Variants in TRPV5 observed in about 807,000 individuals in gnomAD.
TRPV5 encodes calcium transport protein 2.
A neutral mutation model predicts 74.1 loss-of-function variants in TRPV5; 66 were observed. The ratio of observed to expected loss-of-function variants is 0.89; its 90% CI spans 0.73 to 1.09. The LOEUF (loss-of-function observed/expected upper bound fraction) is 1.09. Among genes scored for constraint, TRPV5 ranks in the 50% least tolerant of loss-of-function variants. TRPV5 has a pLI of 0.00. For synonymous variants in TRPV5, 399 were observed against 360.7 expected (o/e 1.11, Z -1.20); for missense variants, 936 against 930.4 (o/e 1.01, Z -0.08).
At chr7:142,912,992 G>C (rs981324859) in intron 12 of TRPV5, among the ~76,000 whole-genome samples, 1 of 152,088 alleles carries the variant, frequency 6.6e-6, no homozygotes, top group Non-Finnish European at 1.5e-5. Context: ...CTGGGTAATG[G>C]TCATGGTAAT....
At position 142,914,636 on chromosome 7, in the gene TRPV5, T is replaced by C; in HGVS notation, c.1519+4A>G. 1 of 1,612,724 alleles carries C rather than the reference T, an allele frequency of 6.2e-7. No individual in the cohort carries two copies. Among genetic ancestry groups the C allele is most frequent in the Non-Finnish European group, 8.5e-7 (1 of 1,179,402 alleles). On this transcript the variant is annotated splice_donor_region_variant and intron_variant, in intron 12 of 14. Coordinates refer to ENST00000265310, the MANE Select transcript of TRPV5 (RefSeq NM_019841.7). The stretch of plus-strand genomic sequence containing the variant: ...ATCTAGTAGAGGAGTGTATGGTGCC[T>C]TACCGGAGGCAAATCCCAAGATGAC...
chr7:142,921,802 T>C (rs1364953456), intron 8 of TRPV5, among the ~76,000 whole-genome samples: 2 of 152,358 alleles, frequency 1.3e-5, no homozygotes. Context: ...AGGATCTGTC[T>C]GGACAACCTC....
Position 142,914,516 on chromosome 7 carries a change from C to T in TRPV5, c.1519+124G>A, listed in dbSNP as rs1361663890. On this transcript the variant is annotated intron_variant, in intron 12 of 14. Transcript: ENST00000265310. ...TACCTTCCAACAGGAAAAAACAAAA[C>T]AAAAAACAAACAAAAAAAAAGAAAG... 4.3e-6 allele frequency: 4 copies of T among 939,096 alleles called. No individual in the cohort carries two copies. The East Asian group carries it at 1.1e-4, about 25-fold the overall frequency. 58.2% of individuals were successfully genotyped at this position (939,096 alleles called of 1,614,324 possible).
At chr7:142,929,400 C>A in intron 4 of TRPV5, 28 bp downstream of exon 4, 1 of 1,605,714 alleles carries the variant, frequency 6.2e-7, no homozygotes, top group Non-Finnish European at 8.5e-7. Flanking sequence ...TCCAGCCAAC[C>A]ATCCTTCAAG....
intron 8 of TRPV5, among the ~76,000 whole-genome samples, chr7:142,915,864 G>A (rs1795787528): frequency 6.6e-6 from 1 of 152,252 alleles, no homozygotes; most frequent in African/African-American, 2.4e-5. Flanking sequence ...CTGAGCAGCT[G>A]AGAACACATT....
In TRPV5 at chr7:142,933,595, G is replaced by C. The variant is rs1796136016; in HGVS notation, c.-136C>G. On this transcript the variant is annotated 5_prime_UTR_variant, in exon 1 of 15. Coordinates refer to ENST00000265310, the MANE Select transcript of TRPV5 (RefSeq NM_019841.7). ...TTTATCTCCTGTATGACTTGTGTAT[G>C]CAGCATGCAGCTTGTAGGTGTGTGT... The C allele has an allele frequency of 1.7e-6, 2 of 1,192,086 alleles. No individual in the cohort carries two copies. Among genetic ancestry groups the C allele is most frequent in the Non-Finnish European group, 2.4e-6 (2 of 844,878 alleles). The allele number at this position is 1,192,086 out of a possible 1,614,324, so 73.8% of individuals were successfully genotyped here.
rs779570266 is a variant in TRPV5 at position 142,925,537 on chromosome 7, G to A, written c.1114C>T (p.Leu372=). The A allele has an allele frequency of 5.6e-6, 9 of 1,614,070 alleles. No homozygotes were observed. The East Asian group carries it at 2.0e-4, about 36-fold the overall frequency. The change falls in exon 8 of 15, where the codon CTA becomes TTA. Residue 372 remains leucine, a synonymous_variant. Coordinates refer to ENST00000265310, the MANE Select transcript of TRPV5 (RefSeq NM_019841.7). ...CTTCTGAGGAGAATCACCTGTAGTA[G>A]TTTTTGCTGGAGGATGGTGATGTCT... ...SRDITILQQK[L]LQEAYETRED...
chr7:142,932,419 C>T (rs1369638397), intron 1 of TRPV5, among the ~76,000 whole-genome samples: 1 of 152,110 alleles, frequency 6.6e-6, no homozygotes, highest in Admixed American at 6.5e-5. Flanking sequence ...TGGGACCAGG[C>T]CCAGTGTAAA....
chr7:142,909,394 G>C, intron 14 of TRPV5, 96 bp downstream of exon 14: 1 of 1,326,298 alleles, frequency 7.5e-7, no homozygotes, highest in Non-Finnish European at 1.1e-6. Context: ...CCCTCCCCTA[G>C]ACAGGCTAAT....
intron 10 of TRPV5, 121 bp downstream of exon 10, chr7:142,915,186 T>TC: frequency 6.6e-7 from 1 of 1,511,944 alleles, no homozygotes; most frequent in Non-Finnish European, 9.1e-7. Context: ...CACCTACAAG[T>TC]CCACTGGAGA....
chr7:142,930,630 G>A (rs1305469449), intron 1 of TRPV5, among the ~76,000 whole-genome samples, 184 bp from the exon 2 acceptor site: 1 of 152,242 alleles, frequency 6.6e-6, no homozygotes, highest in African/African-American at 2.4e-5. Flanking sequence ...CAGCCCCAGG[G>A]CCTTCCTTGC....
At chr7:142,930,305 G>C in intron 2 of TRPV5, 44 bp downstream of exon 2, 5 of 1,609,384 alleles carry the variant, frequency 3.1e-6, no homozygotes, top group Non-Finnish European at 4.3e-6. Flanking sequence ...AGGAGGAGTA[G>C]GTTCTTCTGC....
intron 8 of TRPV5, among the ~76,000 whole-genome samples, chr7:142,916,892 C>CTTT (rs1480768096): frequency 1.1e-4 from 15 of 140,226 alleles, no homozygotes; most frequent in Admixed American, 2.1e-4. Flanking sequence ...TCAGTCAACA[C>CTTT]TTTTTTTTTT....
rs754542768 is a variant in TRPV5, at chr7:142,908,781, A to AG, written c.1922dup (p.Leu642SerfsTer18). 7.4e-6 allele frequency: 12 copies of AG among 1,613,176 alleles called. No homozygotes were observed. The South Asian group carries it at 1.3e-4, about 18-fold the overall frequency. On this transcript the variant is annotated frameshift_variant, in exon 15 of 15. Transcript: ENST00000265310. LOFTEE classifies it low-confidence loss of function (END_TRUNC). ...CTTCCACATAGCGAAGCACTCGCAG[A>AG]GGATTCTGATCATTGTGGTTCTCAA...
rs1795757533 is a variant in TRPV5, at chr7:142,914,519, AAAAC to A, written c.1519+117_1519+120del. 3.7e-5 allele frequency: 35 copies of A among 949,590 alleles called. No individual in the cohort carries two copies. The East Asian group carries it at 8.9e-4, about 24-fold the overall frequency. The allele number at this position is 949,590 out of a possible 1,614,324, so 58.8% of individuals were successfully genotyped here. On this transcript the variant is annotated intron_variant, in intron 12 of 14. Coordinates refer to ENST00000265310, the MANE Select transcript of TRPV5 (RefSeq NM_019841.7). ...CTTCCAACAGGAAAAAACAAAACAA[AAAAC>A]AAACAAAAAAAAAGAAAGCAAAATG...
chr7:142,914,807 T>C (rs1365489023), intron 11 of TRPV5, 74 bp downstream of exon 11: 1 of 1,609,780 alleles, frequency 6.2e-7, no homozygotes, highest in African/African-American at 1.3e-5. Flanking sequence ...TTCTACCAGC[T>C]CCATTCTACC....
rs1303473599 is a variant in TRPV5 at position 142,908,580 on chromosome 7, G to A, written c.2124C>T (p.Thr708=). The A allele has an allele frequency of 1.2e-6, 2 of 1,614,096 alleles. No individual in the cohort carries two copies. The highest frequency in any genetic ancestry group is 1.7e-6 in the Non-Finnish European group (2 of 1,180,050). The part of the protein sequence containing the change: ...HRGWEILRQN[T]LGHLNLGLNL... ...TCAGTCCAAGATTCAAGTGCCCCAG[G>A]GTGTTTTGACGAAGGATCTCCCAGC... Residue 708 remains threonine, a synonymous_variant, in exon 15 of 15, where the codon ACC becomes ACT. Transcript: ENST00000265310.
intron 2 of TRPV5, 47 bp downstream of exon 2, chr7:142,930,302 G>T (rs1190612529): frequency 3.1e-6 from 5 of 1,608,358 alleles, no homozygotes; most frequent in Non-Finnish European, 4.3e-6. Context: ...GGGAGGAGGA[G>T]TAGGTTCTTC....
rs748978225 is a variant in TRPV5, at chr7:142,928,254, A to T, written c.763-20T>A. The T allele has an allele frequency of 6.3e-5, 102 of 1,613,956 alleles. 1 individual carries two copies. The Admixed American group carries it at 1.7e-3, about 27-fold the overall frequency. ...GAACATCTGAGAGACCACCAGGATG[A>T]GTCAGGGGGCCAACGTGTGAGAAGG... is the stretch of plus-strand genomic sequence containing the variant. On this transcript the variant is annotated intron_variant, in intron 6 of 14. Transcript: ENST00000265310.
Sources: allele counts gnomAD v4.1 joint callset (sites outside exome capture counted in the v4.1 genomes callset), GRCh38; gene constraint gnomAD v4.1.1; transcripts MANE v1.5; gene names NCBI Gene and HGNC (gene_info 2026-07-23, HGNC 2026-07-21).